Variants in SUGCT observed in about 807,000 individuals in gnomAD.
The protein encoded by SUGCT is succinyl-CoA:glutarate CoA-transferase.
A neutral mutation model predicts 55.0 loss-of-function variants in SUGCT; 41 were observed. The ratio of observed to expected loss-of-function variants is 0.74; its 90% confidence interval spans 0.58 to 0.97. The LOEUF (loss-of-function observed/expected upper bound fraction) is 0.97, where lower values mean the gene tolerates loss of function less well. SUGCT is among the 50% of genes least tolerant of loss of function. The pLI is 0.00. For missense variants in SUGCT, 568 were observed against 547.8 expected, an observed-to-expected ratio of 1.04 and a Z score of -0.37; for synonymous variants, 187 against 200.4, an observed-to-expected ratio of 0.93 and a Z score of 0.56.
chr7:40,460,832 C>G (rs540042389), intron 11 of SUGCT, among the ~76,000 whole-genome samples: 34 of 152,226 alleles, frequency 2.2e-4, no homozygotes, highest in African/African-American at 7.7e-4. Context: ...ATTTTGGTAT[C>G]TATAAGTTTG....
At chr7:40,200,126 A>G (rs1456185422) in intron 6 of SUGCT, among the ~76,000 whole-genome samples, 1 of 152,160 alleles carries the variant, frequency 6.6e-6, no homozygotes, top group Non-Finnish European at 1.5e-5. Context: ...AGATTCAGAA[A>G]TGCCCAAATA....
At chr7:40,971,582 T>C in the SUGCT span, among the ~76,000 whole-genome samples, 1 of 152,184 alleles carries the variant, frequency 6.6e-6, no homozygotes, top group Admixed American at 6.5e-5. Flanking sequence ...GGGTGACTTG[T>C]GGCACTGGAT....
At chr7:40,469,488 G>A (rs2151467063) in intron 11 of SUGCT, among the ~76,000 whole-genome samples, 1 of 152,318 alleles carries the variant, frequency 6.6e-6, no homozygotes, top group East Asian at 1.9e-4. Flanking sequence ...ATAGATTTAA[G>A]TGGCTGTGTT....
At chr7:40,683,233 A>G (rs1261235920) in intron 12 of SUGCT, among the ~76,000 whole-genome samples, 1 of 152,110 alleles carries the variant, frequency 6.6e-6, no homozygotes, top group African/African-American at 2.4e-5. Flanking sequence ...GATCAGGGCG[A>G]TTTTCCTGAT....
At chr7:40,545,998 TATGGATCAC>T (rs1178488184) in intron 12 of SUGCT, among the ~76,000 whole-genome samples, 2 of 152,210 alleles carry the variant, frequency 1.3e-5, no homozygotes, top group African/African-American at 4.8e-5. Context: ...TCATACATCA[TATGGATCAC>T]ATGAAGTTCA....
At chr7:40,379,882 G>C (rs770162416) in intron 9 of SUGCT, among the ~76,000 whole-genome samples, 2 of 152,196 alleles carry the variant, frequency 1.3e-5, no homozygotes, top group Non-Finnish European at 2.9e-5. Flanking sequence ...ACAGGAATAT[G>C]GTGGTAGCTT....
chr7:40,562,577 A>G (rs1254227077), intron 12 of SUGCT, among the ~76,000 whole-genome samples: 2 of 152,166 alleles, frequency 1.3e-5, no homozygotes, highest in Non-Finnish European at 2.9e-5. Flanking sequence ...AGGGACAGAA[A>G]TTGATCAGTG....
chr7:40,451,766 T>G (rs534488948), intron 10 of SUGCT, among the ~76,000 whole-genome samples: 1 of 152,322 alleles, frequency 6.6e-6, no homozygotes, highest in East Asian at 1.9e-4. Context: ...CTAAGAAAAA[T>G]CATCTGTTCC....
chr7:40,682,543 AT>A (rs1784298997), intron 12 of SUGCT, among the ~76,000 whole-genome samples: 2 of 152,198 alleles, frequency 1.3e-5, no homozygotes, highest in African/African-American at 4.8e-5. Flanking sequence ...ACTGAGTAGA[AT>A]TACAGAGCAC....
intron 13 of SUGCT, among the ~76,000 whole-genome samples, chr7:40,790,154 T>C (rs1432781325): frequency 6.6e-6 from 1 of 152,214 alleles, no homozygotes; most frequent in Non-Finnish European, 1.5e-5. Context: ...AATCCCCATG[T>C]GTCATGGGAG....
At chr7:40,486,829 G>A (rs560995772) in intron 11 of SUGCT, among the ~76,000 whole-genome samples, 6 of 149,300 alleles carry the variant, frequency 4.0e-5, no homozygotes, top group African/African-American at 4.9e-5. Flanking sequence ...GGGCTAAAGC[G>A]CTCCTCCTGC....
chr7:40,548,579 T>C (rs1416300464), intron 12 of SUGCT, among the ~76,000 whole-genome samples: 1 of 152,140 alleles, frequency 6.6e-6, no homozygotes, highest in Non-Finnish European at 1.5e-5. Flanking sequence ...ATTTCTCATA[T>C]ATACCACGTG....
chr7:40,643,259 G>A (rs947890480), intron 12 of SUGCT, among the ~76,000 whole-genome samples: 1 of 152,190 alleles, frequency 6.6e-6, no homozygotes, highest in Non-Finnish European at 1.5e-5. Flanking sequence ...GAAGCTCTCT[G>A]TGTTGATTTT....
intron 13 of SUGCT, among the ~76,000 whole-genome samples, chr7:40,794,795 G>A (rs1001776900): frequency 6.6e-6 from 1 of 151,760 alleles, no homozygotes; most frequent in Non-Finnish European, 1.5e-5. Context: ...GTCCTGCGTC[G>A]AGAAGATATT....
the SUGCT span, among the ~76,000 whole-genome samples, chr7:41,008,822 G>A: frequency 1.2e-4 from 18 of 152,168 alleles, no homozygotes; most frequent in Non-Finnish European, 1.6e-4. Flanking sequence ...CTGGCAGGAT[G>A]CAGTGGTGCT....
chr7:40,421,349 C>T lies in SUGCT; in HGVS notation c.817-27938C>T, dbSNP rs577106355. Among the ~76,000 whole-genome samples the T allele has an allele frequency of 3.3e-5, 5 of 152,222 alleles. No homozygotes were observed. The East Asian group carries it at 7.7e-4, about 24-fold the overall frequency. On this transcript the variant is annotated intron_variant, in intron 9 of 13. Transcript: ENST00000335693. The stretch of plus-strand genomic sequence containing the variant: ...GCTGGGGTTTGTGTTGTTTTCTCCT[C>T]AATACCCCACCTCTTGCCTCATTAG...
chr7:40,259,263 G>A (rs780516381), intron 7 of SUGCT, among the ~76,000 whole-genome samples: 1 of 152,170 alleles, frequency 6.6e-6, no homozygotes, highest in Non-Finnish European at 1.5e-5. Context: ...TATACTTAAT[G>A]TACAGTTGAC....
chr7:40,765,093 A>G (rs1788715625), intron 13 of SUGCT, among the ~76,000 whole-genome samples: 1 of 152,224 alleles, frequency 6.6e-6, no homozygotes, highest in Non-Finnish European at 1.5e-5. Context: ...TTTAGATTCA[A>G]TGAGATTTAA....
chr7:40,667,292 ATAAAGCCTACCTGATCATGGTGTAT>A (rs1189782362), intron 12 of SUGCT, among the ~76,000 whole-genome samples: 1 of 152,182 alleles, frequency 6.6e-6, no homozygotes, highest in African/African-American at 2.4e-5. Context: ...CATCCTAGGA[ATAAAGCCTACCTGATCATGGTGTAT>A]TAACTTTTTG....
Sources: allele counts gnomAD v4.1 joint callset (sites outside exome capture counted in the v4.1 genomes callset), GRCh38; gene constraint gnomAD v4.1.1; transcripts MANE v1.5; gene names NCBI Gene and HGNC (gene_info 2026-07-23, HGNC 2026-07-21).